MYO5A: variants seen among roughly 807,000 people sequenced by gnomAD.
The protein encoded by MYO5A is myosin VA.
MYO5A carries 98 observed loss-of-function variants against 249.7 expected under a neutral mutation model. That is an observed-to-expected ratio of 0.39 (90% CI 0.33 to 0.46). The LOEUF is 0.46. Ranked by LOEUF, MYO5A falls within the 20% of genes least tolerant of loss-of-function variation. The pLI is 0.98. For missense variants in MYO5A, 1,696 were observed against 2,308.8 expected, an observed-to-expected ratio of 0.73 and a Z score of 5.44; for synonymous variants, 778 against 810.6, an observed-to-expected ratio of 0.96 and a Z score of 0.68.
At chr15:52,518,049 T>C (rs2077530891) in intron 1 of MYO5A, among the ~76,000 whole-genome samples, 1 of 152,154 alleles carries the variant, frequency 6.6e-6, no homozygotes, top group Non-Finnish European at 1.5e-5. Flanking sequence ...TTCCTACTTG[T>C]TCTTACCCTA....
At chr15:52,330,645 T>A (rs1333415118) in intron 34 of MYO5A, 146 bp from the exon 35 acceptor site, 46 of 977,088 alleles carry the variant, frequency 4.7e-5, no homozygotes, top group Non-Finnish European at 5.9e-5. Flanking sequence ...AAAATAATTT[T>A]TTTCTGTTAA....
intron 1 of MYO5A, among the ~76,000 whole-genome samples, chr15:52,503,446 T>C (rs369209609): frequency 9.4e-4 from 138 of 146,442 alleles, no homozygotes; most frequent in African/African-American, 3.3e-3. Flanking sequence ...GCCTGGGCAA[T>C]ATAGTGAGAT....
Position 52,397,194 on chromosome 15 carries a change from T to TA in MYO5A, c.1319+6dup, listed in dbSNP as rs752190606. ...CTCTGGCAGACCAATTAGCCAAATA[T>TA]ACTCACCCGTAAATGTCTAGCACAC... On this transcript the variant is annotated splice_region_variant and intron_variant, in intron 10 of 41. Coordinates refer to ENST00000399233, the MANE Select transcript of MYO5A (RefSeq NM_001382347.1). 44 of 1,613,822 alleles carry TA rather than the reference T, an allele frequency of 2.7e-5. No individual in the cohort carries two copies. Among genetic ancestry groups the TA allele is most frequent in the Non-Finnish European group, 3.7e-5 (44 of 1,179,956 alleles).
chr15:52,395,066 T>C lies in MYO5A; in HGVS notation c.1401+1250A>G, dbSNP rs115843450. Among the ~76,000 whole-genome samples, 757 of 152,344 alleles carry C rather than the reference T, an allele frequency of 5.0e-3. 8 individuals carry two copies. The highest frequency in any genetic ancestry group is 0.018 in the African/African-American group (731 of 41,580). On this transcript the variant is annotated intron_variant, in intron 11 of 41. Transcript: ENST00000399233. ...TCAAACAGTCTAAAAGGTTTTATAATGACAAGTAGCAATTCCTTGTCCCAT... is the reference window on the plus strand; with the variant it reads ...TCAAACAGTCTAAAAGGTTTTATAACGACAAGTAGCAATTCCTTGTCCCAT...
At chr15:52,327,825 T>C (rs1219370581) in intron 36 of MYO5A, 27 bp downstream of exon 36, 2 of 1,575,680 alleles carry the variant, frequency 1.3e-6, no homozygotes, top group African/African-American at 2.7e-5. Flanking sequence ...CAATTCATGA[T>C]GAGAATTTTG....
At chr15:52,406,448 AC>A (rs941629366) in intron 8 of MYO5A, among the ~76,000 whole-genome samples, 1 of 152,168 alleles carries the variant, frequency 6.6e-6, no homozygotes, top group Non-Finnish European at 1.5e-5. Flanking sequence ...CATATGAATC[AC>A]CAATAGATTT....
rs536617266 is a variant in MYO5A, at chr15:52,355,387, C to T, written c.3424-1373G>A. Among the ~76,000 whole-genome samples the T allele has an allele frequency of 1.2e-4, 19 of 152,262 alleles. No individual in the cohort carries two copies. The East Asian group carries it at 3.7e-3, about 29-fold the overall frequency. On this transcript the variant is annotated intron_variant, in intron 25 of 41. Transcript: ENST00000399233. Reference sequence around the variant, plus strand: ...ATTTTTACTGTTAGAATATTTACTGCCTCTTCAGAAAACAGTGAAGAGAGT... The same window carrying T: ...ATTTTTACTGTTAGAATATTTACTGTCTCTTCAGAAAACAGTGAAGAGAGT...
At chr15:52,520,474 A>C (rs555934429) in intron 1 of MYO5A, among the ~76,000 whole-genome samples, 2 of 152,082 alleles carry the variant, frequency 1.3e-5, no homozygotes, top group African/African-American at 4.8e-5. Flanking sequence ...CCATCTTTTC[A>C]CCCCTAAAAA....
intron 18 of MYO5A, among the ~76,000 whole-genome samples, chr15:52,378,546 C>A (rs545749307): frequency 6.1e-4 from 20 of 32,946 alleles, no homozygotes; most frequent in Admixed American, 2.2e-3. Flanking sequence ...GGAATTGGGG[C>A]AAACTCAAAA....
chr15:52,402,700 C>T (rs2141206528), intron 9 of MYO5A, among the ~76,000 whole-genome samples: 1 of 152,152 alleles, frequency 6.6e-6, no homozygotes, highest in African/African-American at 2.4e-5. Flanking sequence ...CAAAAATTAG[C>T]CAGACACAGT....
intron 22 of MYO5A, among the ~76,000 whole-genome samples, chr15:52,369,826 C>T (rs1426867807): frequency 4.6e-5 from 7 of 151,112 alleles, no homozygotes; most frequent in Non-Finnish European, 1.5e-5. Context: ...GTCTACGCCC[C>T]AGACTGACTT....
chr15:52,370,515 A>C, intron 21 of MYO5A, 98 bp from the exon 22 acceptor site: 3 of 1,321,766 alleles, frequency 2.3e-6, no homozygotes, highest in Non-Finnish European at 3.2e-6. Context: ...ATGCTATATC[A>C]TCATAACATT....
At chr15:52,331,598 G>A (rs1040950003) in intron 34 of MYO5A, 5 of 839,044 alleles carry the variant, frequency 6.0e-6, no homozygotes, top group Non-Finnish European at 7.2e-6. Flanking sequence ...CTGACTCCAC[G>A]AGGTGTCAGT....
intron 16 of MYO5A, among the ~76,000 whole-genome samples, chr15:52,380,510 G>A (rs914285958): frequency 1.3e-5 from 2 of 152,034 alleles, no homozygotes; most frequent in African/African-American, 2.4e-5. Flanking sequence ...GCTCACGCCT[G>A]TAATCCCAGC....
chr15:52,457,615 A>T (rs1669869), intron 1 of MYO5A, among the ~76,000 whole-genome samples: 48 of 152,138 alleles, frequency 3.2e-4, no homozygotes, highest in Non-Finnish European at 3.7e-4. Flanking sequence ...AATAACAGAG[A>T]CTGTTGAGGA....
chr15:52,416,534 G>T (rs973109022), intron 4 of MYO5A, among the ~76,000 whole-genome samples: 6 of 151,820 alleles, frequency 4.0e-5, no homozygotes, highest in Non-Finnish European at 7.4e-5. Context: ...GGTTGAGGAG[G>T]ATATTTATTA....
At chr15:52,434,073 C>T (rs540475861) in intron 1 of MYO5A, among the ~76,000 whole-genome samples, 3 of 149,954 alleles carry the variant, frequency 2.0e-5, no homozygotes, top group Non-Finnish European at 4.4e-5. Flanking sequence ...GATTTCGGCT[C>T]ACTGCCACCT....
chr15:52,436,206 C>T (rs777368714), intron 1 of MYO5A, among the ~76,000 whole-genome samples: 86 of 152,126 alleles, frequency 5.7e-4, no homozygotes, highest in African/African-American at 1.7e-3. Flanking sequence ...GCTGGGATTA[C>T]GGCGTGAGCC....
At chr15:52,511,535 G>A (rs931404586) in intron 1 of MYO5A, among the ~76,000 whole-genome samples, 2 of 152,172 alleles carry the variant, frequency 1.3e-5, no homozygotes, top group Non-Finnish European at 2.9e-5. Context: ...GCATGCAAGA[G>A]CTTGACAAAT....
Sources: allele counts gnomAD v4.1 joint callset (sites outside exome capture counted in the v4.1 genomes callset), GRCh38; gene constraint gnomAD v4.1.1; transcripts MANE v1.5; gene names NCBI Gene and HGNC (gene_info 2026-07-23, HGNC 2026-07-21).